Variants in KIF18B observed in about 807,000 individuals in gnomAD.
KIF18B encodes kinesin family member 18B.
A neutral mutation model predicts 80.9 loss-of-function variants in KIF18B; 49 were observed. The observed-to-expected ratio is 0.61, with a 90% CI of 0.48 to 0.77. The LOEUF (loss-of-function observed/expected upper bound fraction) is 0.77, where lower values mean the gene tolerates loss of function less well. KIF18B is among the 30% of genes least tolerant of loss of function. The pLI is 0.00. For missense variants in KIF18B, 994 were observed against 1,127.7 expected (o/e 0.88, Z 1.70); for synonymous variants, 439 against 463.9 (o/e 0.95, Z 0.69).
At chr17:44,947,002 G>A (rs1328793970) in intron 1 of KIF18B, among the ~76,000 whole-genome samples, 4 of 149,672 alleles carry the variant, frequency 2.7e-5, no homozygotes, top group African/African-American at 9.9e-5. Flanking sequence ...CCAGCTACTC[G>A]GAAGGCTGAG....
At chr17:44,943,481 T>G (rs1285693760) in intron 1 of KIF18B, among the ~76,000 whole-genome samples, 2 of 152,162 alleles carry the variant, frequency 1.3e-5, no homozygotes, top group Non-Finnish European at 2.9e-5. Context: ...TATTTTATTT[T>G]TATTTATTTT....
chr17:44,935,947 G>A, intron 2 of KIF18B, 85 bp downstream of exon 2: 2 of 1,260,638 alleles, frequency 1.6e-6, no homozygotes, highest in Non-Finnish European at 1.1e-6. Context: ...GGGGAGGCGG[G>A]CACATGCCAG....
intron 1 of KIF18B, among the ~76,000 whole-genome samples, chr17:44,945,620 T>C (rs968740162): frequency 2.0e-5 from 3 of 151,834 alleles, no homozygotes; most frequent in Non-Finnish European, 4.4e-5. Context: ...TTAAAAAATT[T>C]CAGGCCGGGC....
At position 44,932,124 on chromosome 17, in the gene KIF18B, CCCTCTCCACCTGGG is replaced by C; in HGVS notation, c.1307_1320del (p.Ala436GlyfsTer16). The C allele has an allele frequency of 6.2e-7, 1 of 1,613,910 alleles. No homozygotes were observed. The highest frequency in any genetic ancestry group is 8.5e-7 in the Non-Finnish European group (1 of 1,179,862). On this transcript the variant is annotated frameshift_variant, in exon 10 of 16. Coordinates refer to ENST00000593135, the MANE Select transcript of KIF18B (RefSeq NM_001265577.2). LOFTEE classifies it high-confidence loss of function. ...TGGTCTGAAGAGTTCCCTTCCATGGCCCTCTCCACCTGGGCCTCCATCCCCAGACTCTCCTCTTG... is the reference window on the plus strand; with the variant it reads ...TGGTCTGAAGAGTTCCCTTCCATGGCCCTCCATCCCCAGACTCTCCTCTTG...
At chr17:44,933,078 C>T (rs1022208581) in intron 7 of KIF18B, 92 bp from the exon 8 acceptor site, 2 of 1,162,492 alleles carry the variant, frequency 1.7e-6, no homozygotes, top group African/African-American at 3.0e-5. Context: ...CTAGGTCTCT[C>T]CCACGTCCCC....
At chr17:44,931,057 G>T (rs1419032466) in intron 11 of KIF18B, among the ~76,000 whole-genome samples, 1 of 152,092 alleles carries the variant, frequency 6.6e-6, no homozygotes, top group East Asian at 1.9e-4. Flanking sequence ...AGGAACTAGG[G>T]GCCAAGGAGA....
At position 44,931,628 on chromosome 17, in the gene KIF18B, C is replaced by T. The variant is rs2052149315; in HGVS notation, c.1491G>A (p.Arg497=). 2.5e-6 allele frequency: 4 copies of T among 1,613,894 alleles called. No individual in the cohort carries two copies. The highest frequency in any genetic ancestry group is 1.7e-6 in the Non-Finnish European group (2 of 1,179,906). Residue 497 remains arginine (R), a synonymous_variant, in exon 11 of 16, where the codon CGG becomes CGA. Transcript: ENST00000593135. ...PKPVVGHFSA[R]ELDGDRSKQL... is the part of the protein sequence containing the mutation. Reference sequence around the variant, plus strand: ...GCTTAGAACGGTCCCCATCCAGTTCCCGTGCTGAGAAGTGGCCCACGACTG... The same window carrying T: ...GCTTAGAACGGTCCCCATCCAGTTCTCGTGCTGAGAAGTGGCCCACGACTG...
At chr17:44,946,817 T>C (rs767935509) in intron 1 of KIF18B, among the ~76,000 whole-genome samples, 6 of 152,122 alleles carry the variant, frequency 3.9e-5, no homozygotes, top group Non-Finnish European at 7.3e-5. Context: ...TTTCACTTGT[T>C]CCTTCATTCA....
chr17:44,941,717 G>A (rs1025816973), intron 1 of KIF18B, among the ~76,000 whole-genome samples: 28 of 152,166 alleles, frequency 1.8e-4, no homozygotes, highest in African/African-American at 6.0e-4. Flanking sequence ...TTTGGCACCC[G>A]GGGAAGGGAA....
intron 11 of KIF18B, 33 bp downstream of exon 11, chr17:44,931,569 C>A (rs746500204): frequency 3.1e-6 from 5 of 1,613,598 alleles, no homozygotes; most frequent in African/African-American, 2.7e-5. Context: ...TGCTTCCCAC[C>A]TTGATTCCAG....
At position 44,933,917 on chromosome 17, in the gene KIF18B, ACGCAC is replaced by A. The variant is rs2052216166; in HGVS notation, c.1062+1_1062+5del. On this transcript the variant is annotated splice_donor_variant and splice_donor_5th_base_variant and intron_variant, in intron 7 of 15. Transcript: ENST00000593135. LOFTEE classifies it high-confidence loss of function. ...CACGCCCAAGCCGGCCCTGGCTGGC[ACGCAC>A]CGAGAGCCTGATCTCCTTGGCCCGG... The A allele has an allele frequency of 6.4e-7, 1 of 1,552,328 alleles. No individual in the cohort carries two copies. The highest frequency in any genetic ancestry group is 1.9e-5 in the Admixed American group (1 of 51,706).
intron 1 of KIF18B, 133 bp downstream of exon 1, chr17:44,947,495 T>G (rs977587901): frequency 1.3e-5 from 2 of 152,180 alleles, no homozygotes; most frequent in African/African-American, 4.8e-5. Flanking sequence ...AAGCTCGTTC[T>G]CCGCGCCGCA....
In KIF18B at chr17:44,932,665, G is replaced by C; in HGVS notation, c.1238+8C>G. 6.4e-7 allele frequency: 1 copy of C among 1,571,894 alleles called. No individual in the cohort carries two copies. Among genetic ancestry groups the C allele is most frequent in the South Asian group, 1.1e-5 (1 of 90,128 alleles). ...AGGGTGGGGGCGGGAATGGGCAGTG[G>C]AACTCACTGTTCTGGTGGTGGTCCC... is the stretch of plus-strand genomic sequence containing the variant. On this transcript the variant is annotated splice_region_variant and intron_variant, in intron 9 of 15. Coordinates refer to ENST00000593135, the MANE Select transcript of KIF18B (RefSeq NM_001265577.2).
rs8079709 is a variant in KIF18B, at chr17:44,927,173, G to A, written c.2277-95C>T. 1 of 892,394 alleles carries A rather than the reference G, an allele frequency of 1.1e-6. No individual in the cohort carries two copies. Among genetic ancestry groups the A allele is most frequent in the East Asian group, 2.6e-5 (1 of 37,806 alleles). The allele number at this position is 892,394 out of a possible 1,614,324, so 55.3% of individuals were successfully genotyped here. On this transcript the variant is annotated intron_variant, in intron 13 of 15. Transcript: ENST00000593135. This position sits in a 1 kb window ranked among gnomAD's most constrained non-coding sequence, Gnocchi z 4.1. ...TCCAGCCCCCAGCTCGGGCATGGGG[G>A]AGGGTGGTTGGACAAGATGACCTCT... is the stretch of plus-strand genomic sequence containing the variant.
In KIF18B at chr17:44,925,988, G is replaced by T; in HGVS notation, c.*92C>A. On this transcript the variant is annotated 3_prime_UTR_variant, in exon 16 of 16. Transcript: ENST00000593135. Reference sequence around the variant, plus strand: ...CTCCCAGGTAAGGAAGGCAGGTCCAGCTCCTGGTGCAGGTGGCTACAGGTC... The same window carrying T: ...CTCCCAGGTAAGGAAGGCAGGTCCATCTCCTGGTGCAGGTGGCTACAGGTC... 1 of 1,382,546 alleles carries T rather than the reference G, an allele frequency of 7.2e-7. No individual in the cohort carries two copies. The highest frequency in any genetic ancestry group is 1.0e-6 in the Non-Finnish European group (1 of 979,068). 85.6% of individuals were successfully genotyped at this position (1,382,546 alleles called of 1,614,324 possible). A position where few individuals can be genotyped will look rare whatever the true frequency, so the allele number is the denominator to read the frequency against.
intron 11 of KIF18B, among the ~76,000 whole-genome samples, chr17:44,930,836 T>C (rs950933263): frequency 1.3e-5 from 2 of 152,174 alleles, no homozygotes; most frequent in East Asian, 1.9e-4. Context: ...TCCAGGGCCC[T>C]GGGCAGGACC....
At chr17:44,935,503 C>A in intron 2 of KIF18B, 87 bp from the exon 3 acceptor site, 1 of 1,379,512 alleles carries the variant, frequency 7.2e-7, no homozygotes, top group Admixed American at 2.3e-5. Flanking sequence ...CTTTCCTTTT[C>A]CTCCTGTGTT....
At position 44,926,193 on chromosome 17, in the gene KIF18B, G is replaced by T. The variant is rs959215919; in HGVS notation, c.2453-7C>A. On this transcript the variant is annotated splice_polypyrimidine_tract_variant and splice_region_variant and intron_variant, in intron 15 of 15. Coordinates refer to ENST00000593135, the MANE Select transcript of KIF18B (RefSeq NM_001265577.2). Reference sequence around the variant, plus strand: ...AGGGGACTCAAGGGCAGCTCTGCAGGCCAGTTGGATGGGTGGCGGGGAGTG... The same window carrying T: ...AGGGGACTCAAGGGCAGCTCTGCAGTCCAGTTGGATGGGTGGCGGGGAGTG... 1 of 1,613,788 alleles carries T rather than the reference G, an allele frequency of 6.2e-7. No homozygotes were observed. The highest frequency in any genetic ancestry group is 8.5e-7 in the Non-Finnish European group (1 of 1,179,812).
rs1354976985 is a variant in KIF18B, at chr17:44,947,165, C to T, written c.-15+463G>A. ...AAATTTTACTGCGTGCCAGAGCCAC[C>T]GGCACGTGCAGCTCTGCAATCAGTT... On this transcript the variant is annotated intron_variant, in intron 1 of 15. Coordinates refer to ENST00000593135, the MANE Select transcript of KIF18B (RefSeq NM_001265577.2). Among the ~76,000 whole-genome samples the T allele has an allele frequency of 2.7e-5, 4 of 150,572 alleles. No individual in the cohort carries two copies. The East Asian group carries it at 7.8e-4, about 29-fold the overall frequency.
Sources: allele counts gnomAD v4.1 joint callset (sites outside exome capture counted in the v4.1 genomes callset), GRCh38; gene constraint gnomAD v4.1.1; non-coding constraint Gnocchi (gnomAD v3.1); transcripts MANE v1.5; gene names NCBI Gene and HGNC (gene_info 2026-07-23, HGNC 2026-07-21).